CYRIB: variants seen among roughly 807,000 people sequenced by gnomAD.
The protein encoded by CYRIB is CYFIP-related Rac1 interactor B.
Under a neutral mutation model 44.2 loss-of-function variants are expected in CYRIB, and 8 were observed. That is an observed-to-expected ratio of 0.18 (90% CI 0.11 to 0.33). The LOEUF (loss-of-function observed/expected upper bound fraction) is 0.33, where lower values mean the gene tolerates loss of function less well. Among genes scored for constraint, CYRIB ranks in the 10% least tolerant of loss-of-function variants. The probability of loss-of-function intolerance (pLI) is 1.00; values close to 1 mark genes in which losing one functional copy is unlikely to be tolerated. For missense variants in CYRIB, 185 were observed against 382.8 expected, an observed-to-expected ratio of 0.48 and a Z score of 4.31; for synonymous variants, 131 against 127.2, an observed-to-expected ratio of 1.03 and a Z score of -0.20.
chr8:129,894,742 AT>A (rs963163535), intron 2 of CYRIB, among the ~76,000 whole-genome samples: 15 of 151,654 alleles, frequency 9.9e-5, no homozygotes, highest in Non-Finnish European at 4.4e-5. Flanking sequence ...ATAATTTCTT[AT>A]TTTATTTTTG....
At chr8:129,847,361 G>A (rs2040630298) in intron 10 of CYRIB, 1 of 153,100 alleles carries the variant, frequency 6.5e-6, no homozygotes, top group African/African-American at 2.4e-5. Flanking sequence ...CTACTCGGGA[G>A]GCTGAGGCAG....
intron 1 of CYRIB, among the ~76,000 whole-genome samples, chr8:129,986,977 T>C (rs556898603): frequency 6.6e-6 from 1 of 152,196 alleles, no homozygotes; most frequent in Admixed American, 6.5e-5. Flanking sequence ...CCAGAACCAA[T>C]AGACGGCTCA....
At chr8:129,919,628 G>A (rs1033800412) in intron 1 of CYRIB, among the ~76,000 whole-genome samples, 7 of 152,168 alleles carry the variant, frequency 4.6e-5, no homozygotes, top group African/African-American at 1.7e-4. Flanking sequence ...AGATGTCTGG[G>A]TGCCTTACAT....
At chr8:129,980,412 C>G (rs2096176213) in intron 1 of CYRIB, among the ~76,000 whole-genome samples, 1 of 152,154 alleles carries the variant, frequency 6.6e-6, no homozygotes, top group Admixed American at 6.6e-5. Flanking sequence ...TTAGGCCAAT[C>G]ATCTGTTTAA....
intron 2 of CYRIB, among the ~76,000 whole-genome samples, chr8:129,967,752 C>T (rs190553652): frequency 2.7e-4 from 41 of 152,252 alleles, no homozygotes; most frequent in African/African-American, 8.4e-4. Flanking sequence ...TGAGGGTATA[C>T]CACCCTCCTT....
chr8:129,911,776 G>C (rs1012088891), intron 1 of CYRIB, among the ~76,000 whole-genome samples: 1 of 152,120 alleles, frequency 6.6e-6, no homozygotes, highest in African/African-American at 2.4e-5. Context: ...AGGCTCACCA[G>C]GCTTTGAGGA....
chr8:129,881,633 C>A (rs962160538), intron 2 of CYRIB, among the ~76,000 whole-genome samples: 2 of 152,192 alleles, frequency 1.3e-5, no homozygotes, highest in Admixed American at 6.5e-5. Context: ...TAAAAGCAAT[C>A]CAATTTATTC....
At chr8:129,986,665 C>T (rs1591806292) in intron 1 of CYRIB, among the ~76,000 whole-genome samples, 1 of 152,156 alleles carries the variant, frequency 6.6e-6, no homozygotes, top group Non-Finnish European at 1.5e-5. Context: ...CGGGAATTTG[C>T]ACAGATTCCC....
At chr8:129,848,102 G>A (rs1191140895) in intron 10 of CYRIB, among the ~76,000 whole-genome samples, 3 of 151,998 alleles carry the variant, frequency 2.0e-5, no homozygotes, top group East Asian at 3.9e-4. Flanking sequence ...CACTGCACCC[G>A]GCCTACTAGC....
At chr8:129,854,007 A>C (rs552041719) in intron 7 of CYRIB, among the ~76,000 whole-genome samples, 2 of 152,344 alleles carry the variant, frequency 1.3e-5, no homozygotes, top group South Asian at 4.1e-4. Flanking sequence ...TACATCGCGA[A>C]ATTTTATAAG....
intron 1 of CYRIB, among the ~76,000 whole-genome samples, chr8:129,978,836 T>A (rs1044486096): frequency 7.2e-5 from 11 of 152,142 alleles, no homozygotes; most frequent in African/African-American, 9.7e-5. Context: ...CACACCTTTT[T>A]AAAAATATAT....
At chr8:129,942,751 C>T (rs558187740), upstream of CYRIB, among the ~76,000 whole-genome samples, 1 of 152,344 alleles carries the variant, frequency 6.6e-6, no homozygotes, top group South Asian at 2.1e-4. Context: ...AGGCACTGTA[C>T]TAAGCTCTAC....
At chr8:129,848,937 G>C (rs1240756954) in intron 10 of CYRIB, among the ~76,000 whole-genome samples, 1 of 152,106 alleles carries the variant, frequency 6.6e-6, no homozygotes, top group Admixed American at 6.6e-5. Context: ...TTGGCCAAAG[G>C]AATTAAAGGA....
intron 1 of CYRIB, among the ~76,000 whole-genome samples, chr8:129,992,784 C>T (rs988475858): frequency 3.9e-5 from 6 of 152,140 alleles, no homozygotes; most frequent in African/African-American, 1.4e-4. Flanking sequence ...AAGAAAAGAA[C>T]CCGTGAGAAT....
chr8:130,003,508 A>T (rs2096956861), intron 1 of CYRIB, among the ~76,000 whole-genome samples: 1 of 152,206 alleles, frequency 6.6e-6, no homozygotes, highest in African/African-American at 2.4e-5. Flanking sequence ...GTGAGTTCTT[A>T]TGGAACATTC....
chr8:129,956,906 A>G (rs928052371), intron 2 of CYRIB, among the ~76,000 whole-genome samples: 7 of 131,964 alleles, frequency 5.3e-5, no homozygotes, highest in Non-Finnish European at 9.2e-5. Flanking sequence ...TAGCATGACC[A>G]TGGTTCACTG....
At chr8:130,006,616 G>GTATATATATATATATATATA (rs1354562582) in intron 1 of CYRIB, among the ~76,000 whole-genome samples, 1 of 3,192 alleles carries the variant, frequency 3.1e-4, no homozygotes, top group African/African-American at 4.6e-4. Flanking sequence ...ACATATATAT[G>GTATATATATATATATATATA]TGTATATATA....
rs544636073 is a variant in CYRIB, at chr8:129,965,730, A to C, written c.-243+5213T>G. Reference sequence around the variant, plus strand: ...AGAATGGCATGAACCCAGGAGGCAGAGCTTGCAGTGAGCTGAGATCGCGCC... The same window carrying C: ...AGAATGGCATGAACCCAGGAGGCAGCGCTTGCAGTGAGCTGAGATCGCGCC... On this transcript the variant is annotated intron_variant, in intron 2 of 14. Transcript: ENST00000401979. Among the ~76,000 whole-genome samples the C allele has an allele frequency of 2.2e-3, 333 of 151,848 alleles. 2 individuals carry two copies. Among genetic ancestry groups the C allele is most frequent in the African/African-American group, 7.9e-3 (327 of 41,444 alleles).
At chr8:129,955,154 G>A (rs1000802450) in intron 2 of CYRIB, among the ~76,000 whole-genome samples, 8 of 151,444 alleles carry the variant, frequency 5.3e-5, no homozygotes, top group Non-Finnish European at 8.8e-5. Flanking sequence ...TTGGGAGGCT[G>A]AGGCAGGAGA....
Sources: allele counts gnomAD v4.1 joint callset (sites outside exome capture counted in the v4.1 genomes callset), GRCh38; gene constraint gnomAD v4.1.1; transcripts MANE v1.5; gene names NCBI Gene and HGNC (gene_info 2026-07-23, HGNC 2026-07-21).